Variants in GPR19 observed in about 807,000 individuals in gnomAD.
GPR19 encodes the protein G protein-coupled receptor 19.
Under a neutral mutation model 28.5 loss-of-function variants are expected in GPR19, and 14 were observed. The observed-to-expected ratio is 0.49, with a 90% confidence interval of 0.32 to 0.77. The LOEUF (loss-of-function observed/expected upper bound fraction) is 0.77, where lower values mean the gene tolerates loss of function less well. Ranked by LOEUF, GPR19 falls within the 30% of genes least tolerant of loss-of-function variation. The pLI is 0.03. For missense variants in GPR19, 409 were observed against 504.1 expected (o/e 0.81, Z 1.81); for synonymous variants, 173 against 184.1 (o/e 0.94, Z 0.49).
At chr12:12,685,832 A>G (rs773935270) in intron 2 of GPR19, among the ~76,000 whole-genome samples, 7 of 152,106 alleles carry the variant, frequency 4.6e-5, no homozygotes, top group Non-Finnish European at 1.0e-4. Context: ...CAAGAAATCA[A>G]TTTCTCCTCA....
intron 2 of GPR19, among the ~76,000 whole-genome samples, chr12:12,691,763 TA>T (rs1282705674): frequency 1.3e-5 from 2 of 152,166 alleles, no homozygotes; most frequent in African/African-American, 2.4e-5. Context: ...GAGATTAACC[TA>T]AAACCACCTA....
At chr12:12,700,275 C>T (rs1189463752), upstream of GPR19, among the ~76,000 whole-genome samples, 2 of 152,026 alleles carry the variant, frequency 1.3e-5, no homozygotes, top group Admixed American at 1.3e-4. Flanking sequence ...GCAGCCTTGA[C>T]TTCTTGGGCC....
chr12:12,682,822 T>A (rs1165992278), intron 3 of GPR19, among the ~76,000 whole-genome samples: 1 of 152,152 alleles, frequency 6.6e-6, no homozygotes, highest in Non-Finnish European at 1.5e-5. Context: ...AAAAAGGAAA[T>A]CTTTATACCT....
At chr12:12,707,583 A>G in the GPR19 span, among the ~76,000 whole-genome samples, 1 of 152,260 alleles carries the variant, frequency 6.6e-6, no homozygotes, top group African/African-American at 2.4e-5. Flanking sequence ...TTTACATGGA[A>G]GTTTGTATAA....
chr12:12,683,370 A>T (rs1334699492), intron 3 of GPR19, among the ~76,000 whole-genome samples: 1 of 152,220 alleles, frequency 6.6e-6, no homozygotes, highest in Non-Finnish European at 1.5e-5. Context: ...TTTGAAGCCA[A>T]ATTGACTGCT....
chr12:12,666,201 T>C (rs1044732139), intron 3 of GPR19, among the ~76,000 whole-genome samples: 15 of 152,150 alleles, frequency 9.9e-5, no homozygotes, highest in African/African-American at 3.1e-4. Flanking sequence ...CCAGAGTATA[T>C]AGTTTCTAAA....
chr12:12,710,815 A>G, the GPR19 span, among the ~76,000 whole-genome samples: 3 of 152,226 alleles, frequency 2.0e-5, no homozygotes, highest in African/African-American at 7.2e-5. Flanking sequence ...TGAGGGGATT[A>G]CAAACATGAG....
At chr12:12,690,651 C>T (rs1398087053) in intron 2 of GPR19, among the ~76,000 whole-genome samples, 1 of 152,128 alleles carries the variant, frequency 6.6e-6, no homozygotes, top group Admixed American at 6.5e-5. Flanking sequence ...AATGGCTGCC[C>T]CTAAATGGTG....
At chr12:12,696,969 T>C (rs1592272580), upstream of GPR19, among the ~76,000 whole-genome samples, 1 of 152,026 alleles carries the variant, frequency 6.6e-6, no homozygotes, top group African/African-American at 2.4e-5. Context: ...AGCACCACCC[T>C]AACCAGAACT....
At chr12:12,691,994 G>T (rs1946187325) in intron 2 of GPR19, among the ~76,000 whole-genome samples, 1 of 152,146 alleles carries the variant, frequency 6.6e-6, no homozygotes, top group Admixed American at 6.5e-5. Flanking sequence ...CCCAGTTTGT[G>T]CCTTCTGTAG....
At position 12,684,336 on chromosome 12, in the gene GPR19, A is replaced by T. The variant is rs192042722; in HGVS notation, c.-23+15T>A. ...CAAATTTCAGTCGCAATACCAAGGG[A>T]TCCCTATCACATACCTTCATCCGGA... On this transcript the variant is annotated intron_variant, in intron 3 of 3. Transcript: ENST00000651487. 3 of 152,190 alleles carry T rather than the reference A, an allele frequency of 2.0e-5. No individual in the cohort carries two copies. The highest frequency in any genetic ancestry group is 4.4e-5 in the Non-Finnish European group (3 of 68,040). 9.4% of individuals were successfully genotyped at this position (152,190 alleles called of 1,614,324 possible).
chr12:12,716,671 CATG>C, the GPR19 span: 24 of 733,612 alleles, frequency 3.3e-5, no homozygotes, highest in South Asian at 5.6e-4. Context: ...AGCTTGAGTT[CATG>C]ATAAGTGCCG....
chr12:12,665,025 C>A (rs187183813), intron 3 of GPR19, among the ~76,000 whole-genome samples: 2 of 148,708 alleles, frequency 1.3e-5, no homozygotes, highest in South Asian at 2.2e-4. Context: ...AGATTGAAAT[C>A]ATCTTTTCGC....
At chr12:12,714,158 T>C in the GPR19 span, among the ~76,000 whole-genome samples, 1 of 152,272 alleles carries the variant, frequency 6.6e-6, no homozygotes, top group East Asian at 1.9e-4. Context: ...CCGTAAATAT[T>C]TGTGAAATTG....
At chr12:12,683,104 G>T (rs559735862) in intron 3 of GPR19, among the ~76,000 whole-genome samples, 1 of 152,010 alleles carries the variant, frequency 6.6e-6, no homozygotes, top group Non-Finnish European at 1.5e-5. Context: ...TTCTACGTTC[G>T]ATTTTTTAAA....
intron 2 of GPR19, among the ~76,000 whole-genome samples, chr12:12,692,019 C>G (rs536806352): frequency 4.6e-5 from 7 of 152,350 alleles, no homozygotes; most frequent in African/African-American, 1.7e-4. Flanking sequence ...TTTAACAAAA[C>G]AGTGTGGCCA....
intron 2 of GPR19, among the ~76,000 whole-genome samples, chr12:12,693,907 T>C (rs143535080): frequency 0.16 from 23,861 of 152,084 alleles, 2,168 homozygotes; most frequent in Admixed American, 0.27. Flanking sequence ...TTCACCATGT[T>C]GGCCAGGCTG....
intron 3 of GPR19, among the ~76,000 whole-genome samples, chr12:12,670,467 A>G (rs1945841040): frequency 6.6e-6 from 1 of 152,142 alleles, no homozygotes; most frequent in Non-Finnish European, 1.5e-5. Flanking sequence ...AAGTTACCTA[A>G]CCCTCTTGAG....
At chr12:12,681,252 C>T (rs9971854) in intron 3 of GPR19, among the ~76,000 whole-genome samples, 50,429 of 152,064 alleles carry the variant, frequency 0.33, 8,716 homozygotes, top group Middle Eastern at 0.44. Context: ...GATCATTCCC[C>T]TGGCAGGCCC....
Sources: gnomAD v4.1 joint callset for allele counts (sites outside exome capture counted in the v4.1 genomes callset) on GRCh38, gnomAD v4.1.1 for gene constraint, MANE v1.5 for transcripts, NCBI Gene and HGNC (gene_info 2026-07-23, HGNC 2026-07-21) for gene names.